The following THUMPD2 variants were observed in gnomAD, a reference collection of about 807,000 sequenced individuals.
THUMPD2 encodes THUMP domain 2 tRNA and snRNA guanosine methyltransferase, also known as U6 snRNA (guanine-N(2))-methyltransferase THUMPD2.
A neutral mutation model predicts 49.4 loss-of-function variants in THUMPD2; 56 were observed. The observed-to-expected ratio is 1.13, with a 90% confidence interval of 0.91 to 1.41. The LOEUF is 1.41. Ranked by LOEUF, THUMPD2 falls within the 40% of genes most tolerant of loss-of-function variation. The probability of loss-of-function intolerance (pLI) is 0.00; values close to 1 mark genes in which losing one functional copy is unlikely to be tolerated. For synonymous variants in THUMPD2, 237 were observed against 205.2 expected (o/e 1.15, Z -1.32); for missense variants, 709 against 594.5 (o/e 1.19, Z -2.00).
At chr2:39,766,580 T>C (rs1196266938) in intron 4 of THUMPD2, among the ~76,000 whole-genome samples, 3 of 152,360 alleles carry the variant, frequency 2.0e-5, no homozygotes, top group East Asian at 1.9e-4. Flanking sequence ...GTTTTCTCTA[T>C]AAGTTTCTGT....
Position 39,779,144 on chromosome 2 carries a change from T to G in THUMPD2, c.96A>C (p.Arg32=), listed in dbSNP as rs1679526186. ...TGGCCGCCAGCCGCGCCCGCACCTC[T>G]CGCATTACGAACGGCTCCAGGCCGC... ...AGRGLEPFVM[R]EVRARLAATQ... The change falls in exon 1 of 10, where the codon CGA becomes CGC. Residue 32 remains arginine, a synonymous_variant. Transcript: ENST00000505747. The G allele has an allele frequency of 6.6e-7, 1 of 1,519,818 alleles. No individual in the cohort carries two copies. The highest frequency in any genetic ancestry group is 1.4e-5 in the African/African-American group (1 of 69,806). The allele number at this position is 1,519,818 out of a possible 1,614,324, so 94.1% of individuals were successfully genotyped here. A position where few individuals can be genotyped will look rare whatever the true frequency, so the allele number is the denominator to read the frequency against.
chr2:39,761,222 C>A, intron 6 of THUMPD2, 109 bp downstream of exon 6: 2 of 927,310 alleles, frequency 2.2e-6, no homozygotes, highest in South Asian at 1.8e-5. Context: ...AAAGAAAAAG[C>A]GTCAAGAAAA....
chr2:39,774,231 T>C (rs59832423), intron 1 of THUMPD2, among the ~76,000 whole-genome samples: 2,429 of 152,380 alleles, frequency 0.016, 75 homozygotes, highest in African/African-American at 0.055. Context: ...ACTGGAACAG[T>C]TGGATAAATA....
rs1458948982 is a variant in THUMPD2 at position 39,779,170 on chromosome 2, G to A, written c.70C>T (p.Arg24Cys). The change falls in exon 1 of 10, where the codon CGC (arginine) becomes TGC (cysteine). Residue 24 changes from arginine (R) to cysteine (C), a missense_variant. Physicochemically the swap from Arg to Cys is radical, Grantham distance 180. Transcript: ENST00000505747. ...CGCATTACGAACGGCTCCAGGCCGC[G>A]ACCCGCAGTGCAGAAGAATCGGGCG... ...AGARFFCTAG[R>C]GLEPFVMREV... The A allele has an allele frequency of 1.1e-5, 16 of 1,520,450 alleles. No homozygotes were observed. The highest frequency in any genetic ancestry group is 2.4e-5 in the South Asian group (2 of 81,684). 94.2% of individuals were successfully genotyped at this position (1,520,450 alleles called of 1,614,324 possible). A position where few individuals can be genotyped will look rare whatever the true frequency, so the allele number is the denominator to read the frequency against.
intron 9 of THUMPD2, among the ~76,000 whole-genome samples, chr2:39,738,247 G>C (rs1012180529): frequency 6.6e-6 from 1 of 152,138 alleles, no homozygotes; most frequent in Non-Finnish European, 1.5e-5. Context: ...ACAGTTTCAA[G>C]AAAGAAACAG....
At chr2:39,744,200 A>G (rs1003289414) in intron 9 of THUMPD2, among the ~76,000 whole-genome samples, 170 bp downstream of exon 9, 1 of 152,194 alleles carries the variant, frequency 6.6e-6, no homozygotes, top group Non-Finnish European at 1.5e-5. Flanking sequence ...GATGATATGG[A>G]TAACATTTAT....
chr2:39,761,194 G>T, intron 6 of THUMPD2, 137 bp downstream of exon 6: 1 of 707,466 alleles, frequency 1.4e-6, no homozygotes, highest in Non-Finnish European at 2.3e-6. Flanking sequence ...AAGTACAATG[G>T]CAAAAAGAAA....
chr2:39,763,809 T>G (rs1270598619), intron 5 of THUMPD2, among the ~76,000 whole-genome samples: 2 of 152,224 alleles, frequency 1.3e-5, no homozygotes, highest in African/African-American at 2.4e-5. Flanking sequence ...ATGGCTTGTT[T>G]CTAATTTTCT....
chr2:39,737,914 G>A (rs1333178509), intron 9 of THUMPD2, among the ~76,000 whole-genome samples: 2 of 152,182 alleles, frequency 1.3e-5, no homozygotes, highest in Non-Finnish European at 2.9e-5. Context: ...CGGGTGGGAA[G>A]TGGAGGGAGG....
At position 39,777,330 on chromosome 2, in the gene THUMPD2, C is replaced by A. The variant is rs1679245808; in HGVS notation, c.126+1784G>T. On this transcript the variant is annotated intron_variant, in intron 1 of 9. Transcript: ENST00000505747. ...CACACAGGTCTTTTGATTCTAAAGA[C>A]CATACGTACTCTACCGTGGTGTTAC... 2.0e-5 allele frequency among the ~76,000 whole-genome samples: 3 copies of A among 152,276 alleles called. No individual in the cohort carries two copies. In the South Asian group the frequency reaches 6.2e-4, roughly 32 times the overall value.
In THUMPD2 at chr2:39,779,202, T is replaced by C; in HGVS notation, c.38A>G (p.Glu13Gly). The change falls in exon 1 of 10, where the codon GAG (glutamate) becomes GGG (glycine). Residue 13 changes from glutamate (E) to glycine (G), a missense_variant. By Grantham distance (98) the Glu-to-Gly change is moderately conservative. Coordinates refer to ENST00000505747, the MANE Select transcript of THUMPD2 (RefSeq NM_025264.5). ...AGTGCAGAAGAATCGGGCGCCAGCC[T>C]CAGGCCCGGACCCTGGCTCTCCACG... ...EARGEPGSGP[E>G]AGARFFCTAG... 3 of 1,516,498 alleles carry C rather than the reference T, an allele frequency of 2.0e-6. No individual in the cohort carries two copies. The highest frequency in any genetic ancestry group is 1.8e-6 in the Non-Finnish European group (2 of 1,138,026). The allele number at this position is 1,516,498 out of a possible 1,614,324, so 93.9% of individuals were successfully genotyped here.
chr2:39,759,867 A>G (rs1355279704), intron 6 of THUMPD2, among the ~76,000 whole-genome samples: 2 of 152,354 alleles, frequency 1.3e-5, no homozygotes, highest in East Asian at 1.9e-4. Flanking sequence ...TTCAGACAGT[A>G]TATCGTTTAA....
Position 39,770,017 on chromosome 2 carries a change from T to A in THUMPD2, c.365A>T (p.Lys122Met). The part of the protein sequence containing the change: ...WKNLLELDAK[K>M]EKLSQRDDNQ... Reference sequence around the variant, plus strand: ...ATCATCTCTCTGAGAAAGTTTTTCCTTTTTTGCATCAAGTTCAAGAAGATT... The same window carrying A: ...ATCATCTCTCTGAGAAAGTTTTTCCATTTTTGCATCAAGTTCAAGAAGATT... Residue 122 changes from lysine (K) to methionine (M), a missense_variant, in exon 3 of 10, where the codon AAG (lysine) becomes ATG (methionine). By Grantham distance (95) the Lys-to-Met change is moderately conservative. Coordinates refer to ENST00000505747, the MANE Select transcript of THUMPD2 (RefSeq NM_025264.5). 6.3e-7 allele frequency: 1 copy of A among 1,576,846 alleles called. No homozygotes were observed. Among genetic ancestry groups the A allele is most frequent in the Non-Finnish European group, 8.5e-7 (1 of 1,170,074 alleles).
chr2:39,759,440 T>C (rs1055431315), intron 6 of THUMPD2, among the ~76,000 whole-genome samples: 1 of 152,144 alleles, frequency 6.6e-6, no homozygotes, highest in Non-Finnish European at 1.5e-5. Context: ...AATCTTGTCA[T>C]GATCCCATGA....
At chr2:39,778,354 T>C (rs1679390293) in intron 1 of THUMPD2, among the ~76,000 whole-genome samples, 1 of 152,232 alleles carries the variant, frequency 6.6e-6, no homozygotes, top group African/African-American at 2.4e-5. Flanking sequence ...GACTCCAACC[T>C]TTCACTGCAG....
At chr2:39,766,135 A>T in intron 4 of THUMPD2, 26 bp from the exon 5 acceptor site, 1 of 1,513,532 alleles carries the variant, frequency 6.6e-7, no homozygotes, top group Non-Finnish European at 8.9e-7. Flanking sequence ...CAGAAGTTAG[A>T]ATGGAACAAG....
intron 5 of THUMPD2, among the ~76,000 whole-genome samples, chr2:39,763,168 T>C (rs187331465): frequency 7.2e-4 from 109 of 152,134 alleles, no homozygotes; most frequent in Non-Finnish European, 1.4e-3. Context: ...TCTGCATGTG[T>C]GCATTTTTTT....
chr2:39,743,399 G>C (rs1479501374), intron 9 of THUMPD2, among the ~76,000 whole-genome samples: 1 of 152,120 alleles, frequency 6.6e-6, no homozygotes, highest in Admixed American at 6.6e-5. Context: ...ATTCCCTTAG[G>C]TCATTAGAAA....
intron 8 of THUMPD2, among the ~76,000 whole-genome samples, chr2:39,745,529 A>ATT (rs1188674772): frequency 6.6e-6 from 1 of 152,218 alleles, no homozygotes; most frequent in Non-Finnish European, 1.5e-5. Context: ...TAAAGACAAT[A>ATT]AATAGACAAC....
Sources: allele counts gnomAD v4.1 joint callset (sites outside exome capture counted in the v4.1 genomes callset), GRCh38; gene constraint gnomAD v4.1.1; transcripts MANE v1.5; gene names NCBI Gene and HGNC (gene_info 2026-07-23, HGNC 2026-07-21).